The following PRSS23 variants were observed in gnomAD, a reference collection of about 807,000 sequenced individuals.
The protein encoded by PRSS23 is protease, serine 23.
A neutral mutation model predicts 34.7 loss-of-function variants in PRSS23; 25 were observed. That is an observed-to-expected ratio of 0.72 (90% confidence interval 0.53 to 1.01). PRSS23 has a LOEUF of 1.01. Among genes scored for constraint, PRSS23 ranks in the 50% least tolerant of loss-of-function variants. PRSS23 has a pLI of 0.00. For missense variants in PRSS23, 445 were observed against 475.6 expected (o/e 0.94, Z 0.60); for synonymous variants, 176 against 186.6 (o/e 0.94, Z 0.46).
At chr11:86,797,699 C>T (rs1482271636), upstream of PRSS23, among the ~76,000 whole-genome samples, 1 of 152,186 alleles carries the variant, frequency 6.6e-6, no homozygotes, top group Non-Finnish European at 1.5e-5. Context: ...TGAGGTGGTA[C>T]TGGAGGACTA....
intron 1 of PRSS23, among the ~76,000 whole-genome samples, chr11:86,804,790 T>A (rs777714457): frequency 2.0e-5 from 3 of 152,180 alleles, no homozygotes; most frequent in Non-Finnish European, 4.4e-5. Flanking sequence ...ATACATTTGA[T>A]CCTCTATATT....
intron 2 of PRSS23, among the ~76,000 whole-genome samples, chr11:86,874,617 C>T (rs1335991863): frequency 6.6e-6 from 1 of 152,228 alleles, no homozygotes; most frequent in African/African-American, 2.4e-5. Context: ...TTACCTTTTT[C>T]ACTTGCAATC....
chr11:86,815,303 T>C (rs565681235), downstream of PRSS23, among the ~76,000 whole-genome samples: 208 of 152,342 alleles, frequency 1.4e-3, no homozygotes, highest in African/African-American at 4.6e-3. Flanking sequence ...TCTGCACTTA[T>C]CACTAACACT....
In PRSS23 at chr11:86,951,817, T is replaced by C. The variant is rs761000333; in HGVS notation, c.*532T>C. On this transcript the variant is annotated 3_prime_UTR_variant, in exon 3 of 3. Coordinates refer to the PRSS23 transcript ENST00000533902. ...TAACCCACCAAATGGAGCTGGCCAT[T>C]CCAAAAAAGTACATCAGCAAGAAAA... is the stretch of plus-strand genomic sequence containing the variant. The C allele has an allele frequency of 1.3e-5, 21 of 1,613,808 alleles. No individual in the cohort carries two copies. Among genetic ancestry groups the C allele is most frequent in the Middle Eastern group, 1.6e-4 (1 of 6,084 alleles).
downstream of PRSS23, among the ~76,000 whole-genome samples, chr11:86,815,027 C>A (rs1212250626): frequency 6.6e-6 from 1 of 152,210 alleles, no homozygotes; most frequent in Non-Finnish European, 1.5e-5. Flanking sequence ...AGAGCAAGAA[C>A]AGCTTTGAGA....
At chr11:86,807,599 C>A in intron 1 of PRSS23, 32 bp from the exon 2 acceptor site, 1 of 1,531,486 alleles carries the variant, frequency 6.5e-7, no homozygotes, top group South Asian at 1.3e-5. Context: ...TCAGCCCTTG[C>A]CCTCCTGACC....
At chr11:86,880,980 T>G (rs1948768827) in intron 2 of PRSS23, among the ~76,000 whole-genome samples, 1 of 152,230 alleles carries the variant, frequency 6.6e-6, no homozygotes, top group Non-Finnish European at 1.5e-5. Flanking sequence ...TATGATGTCA[T>G]CCATTAACAG....
intron 2 of PRSS23, among the ~76,000 whole-genome samples, chr11:86,913,955 A>G (rs1304589404): frequency 6.8e-6 from 1 of 147,830 alleles, no homozygotes; most frequent in Non-Finnish European, 1.5e-5. Flanking sequence ...CTGTAATCCA[A>G]ATGTTTTCGG....
chr11:86,864,611 A>T (rs1349285578), intron 2 of PRSS23, among the ~76,000 whole-genome samples: 2 of 152,202 alleles, frequency 1.3e-5, no homozygotes, highest in East Asian at 3.8e-4. Flanking sequence ...TCCAGGGTGG[A>T]TTAGTTTTCT....
intron 2 of PRSS23, among the ~76,000 whole-genome samples, chr11:86,943,626 A>AT (rs1949220782): frequency 6.6e-6 from 1 of 151,770 alleles, no homozygotes; most frequent in South Asian, 2.1e-4. Context: ...TCCATCTCAA[A>AT]AAAATAAAAT....
intron 2 of PRSS23, among the ~76,000 whole-genome samples, chr11:86,939,323 T>C (rs1251027871): frequency 2.0e-5 from 3 of 149,516 alleles, no homozygotes; most frequent in African/African-American, 7.4e-5. Context: ...AGCCCTCTTT[T>C]AAAAGAAACA....
At chr11:86,839,412 G>GA (rs1187670109) in intron 2 of PRSS23, among the ~76,000 whole-genome samples, 3 of 151,968 alleles carry the variant, frequency 2.0e-5, no homozygotes, top group African/African-American at 4.8e-5. Context: ...AAAAAAGAGG[G>GA]AAAAAACCTA....
chr11:86,864,287 C>T (rs1021309727), intron 2 of PRSS23, among the ~76,000 whole-genome samples: 1 of 152,002 alleles, frequency 6.6e-6, no homozygotes, highest in Non-Finnish European at 1.5e-5. Context: ...GGCAGAAAGG[C>T]AGGGGGTAGT....
At chr11:86,882,920 T>C (rs1436856442) in intron 2 of PRSS23, among the ~76,000 whole-genome samples, 1 of 152,218 alleles carries the variant, frequency 6.6e-6, no homozygotes, top group East Asian at 1.9e-4. Flanking sequence ...TGGTATCTCA[T>C]TGTGGTTTTG....
upstream of PRSS23, among the ~76,000 whole-genome samples, chr11:86,799,181 G>A (rs148580129): frequency 1.1e-3 from 160 of 152,224 alleles, 1 homozygote; most frequent in African/African-American, 3.8e-3. Context: ...GGAGGTCTAC[G>A]CTGCAGTGAG....
At position 86,940,368 on chromosome 11, in the gene PRSS23, A is replaced by G. The variant is rs565226954; in HGVS notation, c.207-10848A>G. On this transcript the variant is annotated intron_variant, in intron 2 of 2. Transcript: ENST00000533902. ...CTGAAACACTGGCATTTTAGAAAGCAAAGATTCGGCTCATTGACCAGAGCT... is the reference window on the plus strand; with the variant it reads ...CTGAAACACTGGCATTTTAGAAAGCGAAGATTCGGCTCATTGACCAGAGCT... Among the ~76,000 whole-genome samples, 102 of 152,320 alleles carry G rather than the reference A, an allele frequency of 6.7e-4. 1 individual carries two copies. Among genetic ancestry groups the G allele is most frequent in the African/African-American group, 2.4e-3 (101 of 41,578 alleles).
Position 86,836,739 on chromosome 11 carries a change from C to T in PRSS23, c.206+13146C>T, listed in dbSNP as rs547163182. ...CCAGTGTCCAGGAGACAATTAACCTCCTGGCTGTCAATGGTCAAGCATACC... is the reference window on the plus strand; with the variant it reads ...CCAGTGTCCAGGAGACAATTAACCTTCTGGCTGTCAATGGTCAAGCATACC... On this transcript the variant is annotated intron_variant, in intron 2 of 2. Coordinates refer to the PRSS23 transcript ENST00000533902. The T allele has an allele frequency of 6.6e-5, 10 of 152,302 alleles. 1 individual carries two copies. In the South Asian group the frequency reaches 2.1e-3, roughly 32 times the overall value. 9.4% of individuals were successfully genotyped at this position (152,302 alleles called of 1,614,324 possible).
At chr11:86,836,662 A>T (rs1465005149) in intron 2 of PRSS23, among the ~76,000 whole-genome samples, 1 of 152,186 alleles carries the variant, frequency 6.6e-6, no homozygotes. Context: ...GAATAGTGAC[A>T]GATCTGGAGG....
chr11:86,944,538 C>T (rs995951471), intron 2 of PRSS23, among the ~76,000 whole-genome samples: 3 of 152,192 alleles, frequency 2.0e-5, no homozygotes, highest in South Asian at 2.1e-4. Context: ...GGGTTGCCCT[C>T]GCCCTCTCTA....
Sources: allele counts gnomAD v4.1 joint callset (sites outside exome capture counted in the v4.1 genomes callset), GRCh38; gene constraint gnomAD v4.1.1; transcripts MANE v1.5; gene names NCBI Gene and HGNC (gene_info 2026-07-23, HGNC 2026-07-21).